The following MYH3 variants were observed in gnomAD, a reference collection of about 807,000 sequenced individuals.
The protein encoded by MYH3 is myosin-3.
MYH3 carries 130 observed loss-of-function variants against 238.0 expected under a neutral mutation model. The ratio of observed to expected loss-of-function variants is 0.55; its 90% CI spans 0.47 to 0.63. MYH3 has a LOEUF of 0.63. MYH3 is among the 30% of genes least tolerant of loss of function. The pLI is 0.00. For synonymous variants in MYH3, 880 were observed against 924.1 expected (o/e 0.95, Z 0.86); for missense variants, 1,853 against 2,374.9 (o/e 0.78, Z 4.57).
Position 10,642,241 on chromosome 17 carries a change from C to T in MYH3, c.1958G>A (p.Arg653Lys). 6.2e-7 allele frequency: 1 copy of T among 1,613,510 alleles called. No homozygotes were observed. The highest frequency in any genetic ancestry group is 8.5e-7 in the Non-Finnish European group (1 of 1,179,596). ...CAAATAAACTTGTATTTTTCTTACC[C>T]TGAAAAGGGCAGAGACAGTTTGGAA... Reference protein sequence around the residue: ...SSFQTVSALFRENLNKLMSNL... With the variant: ...SSFQTVSALFKENLNKLMSNL... Residue 653 changes from arginine to lysine, a missense_variant and splice_region_variant, in exon 17 of 41, where the codon AGG becomes AAG. Arg to Lys is a conservative substitution (Grantham distance 26). Coordinates refer to ENST00000583535, the MANE Select transcript of MYH3 (RefSeq NM_002470.4). The surrounding 1 kb of genome is among the most constrained non-coding windows in gnomAD (Gnocchi z 5.4).
Position 10,631,911 on chromosome 17 carries a change from C to T in MYH3, c.5062G>A (p.Glu1688Lys), listed in dbSNP as rs528933675. The T allele has an allele frequency of 6.2e-7, 1 of 1,614,198 alleles. No individual in the cohort carries two copies. Among genetic ancestry groups the T allele is most frequent in the Non-Finnish European group, 8.5e-7 (1 of 1,180,044 alleles). The part of the protein sequence containing the change: ...RANLLQAEVE[E>K]LRATLEQTER... ...GTCTGCTCCAGAGTAGCCCGCAGCT[C>T]CTCCACCTCGGCCTGCAGCAGGTTG... Residue 1688 changes from glutamate to lysine, a missense_variant, in exon 35 of 41, where the codon GAG (glutamate) becomes AAG (lysine). Physicochemically the swap from Glu to Lys is moderately conservative, Grantham distance 56. Transcript: ENST00000583535.
At chr17:10,645,489 A>G (rs1054199272) in intron 12 of MYH3, among the ~76,000 whole-genome samples, 1 of 151,852 alleles carries the variant, frequency 6.6e-6, no homozygotes, top group Non-Finnish European at 1.5e-5. Flanking sequence ...CACCATGCCC[A>G]GCTAATTTTT....
At position 10,633,603 on chromosome 17, in the gene MYH3, G is replaced by C; in HGVS notation, c.4635C>G (p.Leu1545=). The C allele has an allele frequency of 6.2e-7, 1 of 1,613,296 alleles. No homozygotes were observed. ...TCCCAGCACTCACCTCTGCTTCCTC[G>C]AGAGCCAGCTGGATATCAGCCTTTT... ...ELEKADIQLA[L]EEAEAALEHE... The change falls in exon 33 of 41, where the codon CTC becomes CTG. Residue 1545 remains leucine (L), a synonymous_variant. Coordinates refer to ENST00000583535, the MANE Select transcript of MYH3 (RefSeq NM_002470.4).
Position 10,638,917 on chromosome 17 carries a change from G to C in MYH3, c.3295C>G (p.Gln1099Glu). The C allele has an allele frequency of 6.2e-7, 1 of 1,614,166 alleles. No homozygotes were observed. The highest frequency in any genetic ancestry group is 1.3e-5 in the African/African-American group (1 of 75,050). The change falls in exon 26 of 41, where the codon CAG becomes GAG. Residue 1099 changes from glutamine to glutamate, a missense_variant. Around this residue, in one of 3 missense-constraint regions of MYH3, gnomAD observed 1,044 missense variants for 1,192.6 expected, o/e 0.88. Coordinates refer to ENST00000583535, the MANE Select transcript of MYH3 (RefSeq NM_002470.4). ...TTCTGAAACTGGAGGCCCAGTGTCT[G>C]CTCATCTTCCACTTTGCTTTGAAGT... ...CQLQSKVEDE[Q>E]TLGLQFQKKI...
chr17:10,633,544 G>A, intron 33 of MYH3, 47 bp downstream of exon 33: 2 of 1,608,706 alleles, frequency 1.2e-6, no homozygotes, highest in African/African-American at 1.3e-5. Flanking sequence ...CCTGGCCGTG[G>A]CTCACCATGG....
At chr17:10,651,703 A>T (rs770575419) in intron 4 of MYH3, 35 bp from the exon 5 acceptor site, 42 of 1,585,638 alleles carry the variant, frequency 2.6e-5, no homozygotes, top group Non-Finnish European at 3.5e-5. Context: ...GCGTATATGT[A>T]TGTATGTGCA....
At chr17:10,663,920 G>T in the MYH3 span, among the ~76,000 whole-genome samples, 1 of 151,862 alleles carries the variant, frequency 6.6e-6, no homozygotes, top group African/African-American at 2.4e-5. Context: ...AAAATTAGCT[G>T]GATGTGGTGG....
Position 10,639,768 on chromosome 17 carries a change from C to T in MYH3, c.2717G>A (p.Cys906Tyr), listed in dbSNP as rs773153080. The T allele has an allele frequency of 6.2e-6, 10 of 1,613,538 alleles. No individual in the cohort carries two copies. The Admixed American group carries it at 8.3e-5, about 13-fold the overall frequency. Residue 906 changes from cysteine (C) to tyrosine (Y), a missense_variant, in exon 23 of 41, where the codon TGC becomes TAC. This residue lies in a region of MYH3 where 678 missense variants were observed against 1,058.9 expected (regional missense o/e 0.64). Transcript: ENST00000583535. ...SENLLDAEER[C>Y]DQLIKAKFQL... is the part of the protein sequence containing the mutation. Reference sequence around the variant, plus strand: ...GAATTTGGCTTTGATCAGCTGATCGCATCTTTCCTCAGCATCCAACAAATT... The same window carrying T: ...GAATTTGGCTTTGATCAGCTGATCGTATCTTTCCTCAGCATCCAACAAATT...
chr17:10,669,432 A>G, the MYH3 span, among the ~76,000 whole-genome samples: 1 of 152,004 alleles, frequency 6.6e-6, no homozygotes, highest in African/African-American at 2.4e-5. Flanking sequence ...TGGCGCCTGT[A>G]ATCCCAGCTA....
chr17:10,649,710 A>G (rs199884320), intron 6 of MYH3, 25 bp from the exon 7 acceptor site: 39 of 1,605,924 alleles, frequency 2.4e-5, no homozygotes, highest in Admixed American at 2.3e-4. Context: ...CAAAAGAGAG[A>G]GAAAGAAACA....
chr17:10,634,802 C>T, intron 31 of MYH3, 38 bp downstream of exon 31: 2 of 1,612,012 alleles, frequency 1.2e-6, no homozygotes, highest in Non-Finnish European at 1.7e-6. Context: ...GAATCCCTTA[C>T]ATCATGGCAT....
intron 30 of MYH3, 82 bp downstream of exon 30, chr17:10,635,285 A>G (rs2074202702): frequency 1.2e-6 from 2 of 1,607,372 alleles, no homozygotes; most frequent in Non-Finnish European, 1.7e-6. Context: ...GACACATGAG[A>G]TGGGGAAACG....
chr17:10,629,204 G>A (rs923265777), intron 40 of MYH3, among the ~76,000 whole-genome samples: 11 of 150,432 alleles, frequency 7.3e-5, no homozygotes, highest in African/African-American at 2.4e-4. Flanking sequence ...GAAAGGCCCC[G>A]GTGTGTGATG....
At chr17:10,651,693 G>T in intron 4 of MYH3, 25 bp from the exon 5 acceptor site, 1 of 1,606,490 alleles carries the variant, frequency 6.2e-7, no homozygotes, top group Non-Finnish European at 8.5e-7. Flanking sequence ...ACATATACGT[G>T]CGTATATGTA....
the MYH3 span, chr17:10,677,482 G>C: frequency 6.6e-6 from 1 of 152,188 alleles, no homozygotes; most frequent in African/African-American, 2.4e-5. Context: ...GATTATGGAT[G>C]ATTTGAAAAT....
chr17:10,666,030 G>A, the MYH3 span, among the ~76,000 whole-genome samples: 1 of 152,230 alleles, frequency 6.6e-6, no homozygotes, highest in Admixed American at 6.5e-5. Context: ...AAGTGGTGAT[G>A]AGACAACCAG....
chr17:10,631,680 C>G lies in MYH3; in HGVS notation c.5217G>C (p.Gln1739His). Residue 1739 changes from glutamine to histidine, a missense_variant, in exon 36 of 41, where the codon CAG (glutamine) becomes CAC (histidine). Gln to His is a conservative substitution (Grantham distance 24). Around this residue, in one of 3 missense-constraint regions of MYH3, gnomAD observed 1,044 missense variants for 1,192.6 expected, o/e 0.88. Coordinates refer to ENST00000583535, the MANE Select transcript of MYH3 (RefSeq NM_002470.4). ...KKLETDLMQL[Q>H]SEVEDASRDA... ...CCCTGCTGGCATCTTCTACCTCACT[C>G]TGGAGCTGCATGAGGTCTGTCTCCA... 1 of 1,614,194 alleles carries G rather than the reference C, an allele frequency of 6.2e-7. No homozygotes were observed. The highest frequency in any genetic ancestry group is 1.7e-5 in the Admixed American group (1 of 60,024).
rs770727547 is a variant in MYH3 at position 10,649,719 on chromosome 17, C to A, written c.534-34G>T. ...AGTGATCAAAAGAGAGAGAAAGAAA[C>A]AAGTCTGTTAGTATAAACAGGCTTT... On this transcript the variant is annotated intron_variant, in intron 6 of 40. Coordinates refer to ENST00000583535, the MANE Select transcript of MYH3 (RefSeq NM_002470.4). 59 of 1,600,430 alleles carry A rather than the reference C, an allele frequency of 3.7e-5. 1 individual carries two copies. In the East Asian group the frequency reaches 1.3e-3, roughly 35 times the overall value.
rs1386928218 is a variant in MYH3, at chr17:10,639,057, C to T, written c.3235G>A (p.Glu1079Lys). 7.4e-6 allele frequency: 12 copies of T among 1,614,234 alleles called. No homozygotes were observed. Among genetic ancestry groups the T allele is most frequent in the Middle Eastern group, 1.6e-4 (1 of 6,062 alleles). ...TGAAGGGCATACTTCTTGAGCCTTT[C>T]GTCCAGCTGTTGCTTGTCATTCTCC... ...DLENDKQQLD[E>K]RLKKKDFEYC... Residue 1079 changes from glutamate (E) to lysine (K), a missense_variant, in exon 25 of 41, where the codon GAA (glutamate) becomes AAA (lysine). Glu to Lys is a moderately conservative substitution (Grantham distance 56, BLOSUM62 1). This residue lies in a region of MYH3 where 1,044 missense variants were observed against 1,192.6 expected (regional missense o/e 0.88). Coordinates refer to ENST00000583535, the MANE Select transcript of MYH3 (RefSeq NM_002470.4).
Sources: allele counts gnomAD v4.1 joint callset (sites outside exome capture counted in the v4.1 genomes callset), GRCh38; gene constraint gnomAD v4.1.1; regional missense constraint gnomAD v4.1.1; non-coding constraint Gnocchi (gnomAD v3.1); transcripts MANE v1.5; gene names NCBI Gene and HGNC (gene_info 2026-07-23, HGNC 2026-07-21).